The following CLDN18 variants were observed in gnomAD, a reference collection of about 807,000 sequenced individuals.
CLDN18 encodes claudin-18.
In CLDN18, 20 loss-of-function variants were observed where a neutral mutation model predicts 25.0. The ratio of observed to expected loss-of-function variants is 0.80; its 90% CI spans 0.56 to 1.16. The LOEUF (loss-of-function observed/expected upper bound fraction) is 1.16, where lower values mean the gene tolerates loss of function less well. Among genes scored for constraint, CLDN18 ranks in the 50% most tolerant of loss-of-function variants. The pLI, the probability that CLDN18 is intolerant of heterozygous loss-of-function variation, is 0.00. For synonymous variants in CLDN18, 125 were observed against 135.6 expected (o/e 0.92, Z 0.54); for missense variants, 297 against 345.4 (o/e 0.86, Z 1.11).
At chr3:137,998,959 A>C (rs755143311) in exon 1 of CLDN18, 3 of 1,614,070 alleles carry the variant, frequency 1.9e-6, no homozygotes, top group African/African-American at 1.3e-5. Flanking sequence ...GGACCAGTGG[A>C]GCACCCAAGA....
chr3:137,999,953 T>C (rs1941998007), intron 1 of CLDN18, among the ~76,000 whole-genome samples: 1 of 152,100 alleles, frequency 6.6e-6, no homozygotes, highest in South Asian at 2.1e-4. Flanking sequence ...CTTTCATAAA[T>C]ACATATTGAA....
intron 1 of CLDN18, among the ~76,000 whole-genome samples, chr3:138,019,461 C>T (rs2107884254): frequency 6.6e-6 from 1 of 152,298 alleles, no homozygotes; most frequent in East Asian, 1.9e-4. Flanking sequence ...CTCCTCCCAT[C>T]CGCCTACTCC....
chr3:138,010,319 A>C lies in CLDN18; in HGVS notation c.94A>C (p.Thr32Pro), dbSNP rs1237172779. Residue 32 changes from threonine (T) to proline (P), a missense_variant, in exon 1 of 5, where the codon ACC becomes CCC. Physicochemically the swap from Thr to Pro is conservative, Grantham distance 38 (BLOSUM62 -1). Transcript: ENST00000183605. ...IAATGMDMWS[T>P]QDLYDNPVTS... The stretch of plus-strand genomic sequence containing the variant: ...GGCCACCGGGATGGACATGTGGAGC[A>C]CCCAGGACCTGTACGACAACCCCGT... The C allele has an allele frequency of 6.2e-7, 1 of 1,614,054 alleles. No homozygotes were observed. The highest frequency in any genetic ancestry group is 1.3e-5 in the African/African-American group (1 of 74,934).
At chr3:138,023,852 T>G (rs1209093361) in intron 2 of CLDN18, 30 bp downstream of exon 2, 2 of 1,588,830 alleles carry the variant, frequency 1.3e-6, no homozygotes, top group South Asian at 1.1e-5. Context: ...TTCCCACTTC[T>G]GCGAATGTCA....
In CLDN18 at chr3:137,999,143, C is replaced by T. The variant is rs1316014065; in HGVS notation, c.220+55C>T. ...GGAGAGATTGGAGGTGGAGAGGAAACTGCAGGCTCTGTCTGGGCACCACGA... is the reference window on the plus strand; with the variant it reads ...GGAGAGATTGGAGGTGGAGAGGAAATTGCAGGCTCTGTCTGGGCACCACGA... On this transcript the variant is annotated intron_variant, in intron 1 of 4. Coordinates refer to the CLDN18 transcript ENST00000343735. The T allele has an allele frequency of 2.7e-6, 4 of 1,507,794 alleles. No individual in the cohort carries two copies. The East Asian group carries it at 6.8e-5, about 26-fold the overall frequency. The allele number at this position is 1,507,794 out of a possible 1,614,324, so 93.4% of individuals were successfully genotyped here. A position where few individuals can be genotyped will look rare whatever the true frequency, so the allele number is the denominator to read the frequency against.
chr3:138,019,549 T>C (rs1265654729), intron 1 of CLDN18, among the ~76,000 whole-genome samples: 18 of 152,348 alleles, frequency 1.2e-4, no homozygotes, highest in Admixed American at 9.8e-4. Context: ...CACTTAGTGA[T>C]GCCAGCTCCT....
At position 138,029,724 on chromosome 3, in the gene CLDN18, C is replaced by A. The variant is rs1004365403; in HGVS notation, c.504-73C>A. ...CAAAAGTGGGGACAGAAAGAACAGGCACAGCCAGGTGCAGTGGGTGGAGCC... is the reference window on the plus strand; with the variant it reads ...CAAAAGTGGGGACAGAAAGAACAGGAACAGCCAGGTGCAGTGGGTGGAGCC... On this transcript the variant is annotated intron_variant, in intron 3 of 4. Coordinates refer to ENST00000183605, the MANE Select transcript of CLDN18 (RefSeq NM_016369.4). 78 of 885,412 alleles carry A rather than the reference C, an allele frequency of 8.8e-5. No individual in the cohort carries two copies. The East Asian group carries it at 1.7e-3, about 19-fold the overall frequency. 54.8% of individuals were successfully genotyped at this position (885,412 alleles called of 1,614,324 possible).
intron 1 of CLDN18, among the ~76,000 whole-genome samples, chr3:138,016,461 C>T (rs1211098134): frequency 1.3e-5 from 2 of 152,148 alleles, no homozygotes; most frequent in Non-Finnish European, 2.9e-5. Context: ...GCATCCCATT[C>T]ACACATGCCT....
intron 1 of CLDN18, 65 bp downstream of exon 1, chr3:138,010,510 G>T: frequency 6.3e-7 from 1 of 1,585,460 alleles, no homozygotes; most frequent in Non-Finnish European, 8.6e-7. Flanking sequence ...GGGCGTTTGC[G>T]TTAAGCCCCA....
chr3:138,004,220 AG>A (rs776540598), intron 1 of CLDN18, among the ~76,000 whole-genome samples: 1 of 152,210 alleles, frequency 6.6e-6, no homozygotes, highest in Non-Finnish European at 1.5e-5. Flanking sequence ...TACCCTATGA[AG>A]TAAGTAGTAG....
At chr3:138,029,054 AG>A (rs1942358568) in intron 3 of CLDN18, among the ~76,000 whole-genome samples, 2 of 152,210 alleles carry the variant, frequency 1.3e-5, no homozygotes, top group Admixed American at 1.3e-4. Flanking sequence ...ACCTGCATGG[AG>A]GGTTGTAAGG....
chr3:138,007,050 CTA>C (rs1222157741), upstream of CLDN18, among the ~76,000 whole-genome samples: 1 of 152,034 alleles, frequency 6.6e-6, no homozygotes, highest in Non-Finnish European at 1.5e-5. Context: ...CATCTTCAAT[CTA>C]TGTTTTTGGT....
upstream of CLDN18, among the ~76,000 whole-genome samples, chr3:138,009,404 A>G (rs1290114185): frequency 6.6e-6 from 1 of 152,178 alleles, no homozygotes; most frequent in Non-Finnish European, 1.5e-5. Context: ...AAAGCATGAC[A>G]TGGAAATCAA....
intron 1 of CLDN18, among the ~76,000 whole-genome samples, chr3:138,022,844 C>T (rs1942285749): frequency 6.6e-6 from 1 of 152,242 alleles, no homozygotes. Context: ...TAACTACTGT[C>T]ATCCCATGGC....
intron 1 of CLDN18, among the ~76,000 whole-genome samples, chr3:138,018,906 CCTTT>C (rs964055684): frequency 3.9e-5 from 6 of 152,170 alleles, no homozygotes; most frequent in African/African-American, 1.4e-4. Context: ...TAGATTCAGG[CCTTT>C]CTTTTCTTCT....
At chr3:138,004,752 A>T (rs891360574) in intron 1 of CLDN18, 6 of 151,238 alleles carry the variant, frequency 4.0e-5, no homozygotes, top group African/African-American at 1.5e-4. Context: ...TACCAAAATA[A>T]ATCCTAGATT....
In CLDN18 at chr3:138,031,462, A is replaced by C. The variant is rs1942395083; in HGVS notation, c.*321A>C. On this transcript the variant is annotated 3_prime_UTR_variant, in exon 5 of 5. Coordinates refer to ENST00000183605, the MANE Select transcript of CLDN18 (RefSeq NM_016369.4). ...TCTCTCACATTTTGATGATTTAGAC[A>C]GACTCCCCCTCTTCCTCCTAGTCAA... The C allele has an allele frequency of 5.4e-6, 1 of 184,972 alleles. No homozygotes were observed. 11.5% of individuals were successfully genotyped at this position (184,972 alleles called of 1,614,324 possible).
At position 138,031,333 on chromosome 3, in the gene CLDN18, C is replaced by T. The variant is rs1942393635; in HGVS notation, c.*192C>T. On this transcript the variant is annotated 3_prime_UTR_variant, in exon 5 of 5. Transcript: ENST00000183605. Reference sequence around the variant, plus strand: ...CTCTAAATATTCCACCATAAAACAGCTGAGTTATTTATGAATTAGAGGCTA... The same window carrying T: ...CTCTAAATATTCCACCATAAAACAGTTGAGTTATTTATGAATTAGAGGCTA... The T allele has an allele frequency of 2.3e-6, 1 of 432,884 alleles. No individual in the cohort carries two copies. The highest frequency in any genetic ancestry group is 8.2e-5 in the South Asian group (1 of 12,262). 26.8% of individuals were successfully genotyped at this position (432,884 alleles called of 1,614,324 possible). A position where few individuals can be genotyped will look rare whatever the true frequency, so the allele number is the denominator to read the frequency against.
chr3:138,029,380 A>T (rs994416322), intron 3 of CLDN18, among the ~76,000 whole-genome samples: 1 of 152,136 alleles, frequency 6.6e-6, no homozygotes, highest in Non-Finnish European at 1.5e-5. Flanking sequence ...TCCAGACCTC[A>T]GTTGAAACTT....
Sources: gnomAD v4.1 joint callset for allele counts (sites outside exome capture counted in the v4.1 genomes callset) on GRCh38, gnomAD v4.1.1 for gene constraint, MANE v1.5 for transcripts, NCBI Gene and HGNC (gene_info 2026-07-23, HGNC 2026-07-21) for gene names.